The following CLMN variants were observed in gnomAD, a reference collection of about 807,000 sequenced individuals.
The protein encoded by CLMN is calmin (calponin-like, transmembrane).
CLMN carries 57 observed loss-of-function variants against 92.7 expected under a neutral mutation model. The ratio of observed to expected loss-of-function variants is 0.61; its 90% CI spans 0.50 to 0.77. The LOEUF is 0.77. Among genes scored for constraint, CLMN ranks in the 30% least tolerant of loss-of-function variants. The pLI is 0.00. For missense variants in CLMN, 1,158 were observed against 1,237.5 expected (o/e 0.94, Z 0.96); for synonymous variants, 466 against 470.6 (o/e 0.99, Z 0.13).
intron 1 of CLMN, among the ~76,000 whole-genome samples, chr14:95,252,054 G>A (rs1277610366): frequency 6.6e-6 from 1 of 152,174 alleles, no homozygotes; most frequent in Non-Finnish European, 1.5e-5. Flanking sequence ...TTCCAGTCCT[G>A]CTGGGTCTGG....
chr14:95,317,992 G>A (rs1901869921), intron 1 of CLMN, among the ~76,000 whole-genome samples: 1 of 152,126 alleles, frequency 6.6e-6, no homozygotes, highest in Non-Finnish European at 1.5e-5. Context: ...CCAACCTCCA[G>A]GACCCATCTC....
intron 1 of CLMN, among the ~76,000 whole-genome samples, chr14:95,249,638 C>G (rs1425962730): frequency 6.6e-6 from 1 of 151,958 alleles, no homozygotes; most frequent in Non-Finnish European, 1.5e-5. Context: ...GTCGCCCAGG[C>G]TGGAGTGCAG....
rs777411984 is a variant in CLMN, at chr14:95,213,223, T to C, written c.604A>G (p.Arg202Gly). The C allele has an allele frequency of 1.9e-6, 3 of 1,613,168 alleles. No individual in the cohort carries two copies. Among genetic ancestry groups the C allele is most frequent in the Non-Finnish European group, 1.7e-6 (2 of 1,179,716 alleles). ...GGGAGAGGGGCTGCGGCTTACTTTC[T>C]CGTTTTCCTCTGCACCCACGCCAAC... ...ALLAWVQRKTRKYGVAVQDFA... is the reference protein window; with the variant it reads ...ALLAWVQRKTGKYGVAVQDFA... The change falls in exon 6 of 13, where the codon AGA (arginine) becomes GGA (glycine). Residue 202 changes from arginine to glycine, a missense_variant. By Grantham distance (125) the Arg-to-Gly change is moderately radical (BLOSUM62 -2). Coordinates refer to ENST00000298912, the MANE Select transcript of CLMN (RefSeq NM_024734.4).
chr14:95,193,181 A>G, intron 12 of CLMN: 1 of 598,912 alleles, frequency 1.7e-6, no homozygotes, highest in Non-Finnish European at 2.9e-6. Context: ...CAACTCTATG[A>G]CTTCAACAGG....
At position 95,194,375 on chromosome 14, in the gene CLMN, G is replaced by A. The variant is rs986755633; in HGVS notation, c.2769+161C>T. On this transcript the variant is annotated intron_variant, in intron 11 of 12. Coordinates refer to ENST00000298912, the MANE Select transcript of CLMN (RefSeq NM_024734.4). This position sits in a 1 kb window ranked among gnomAD's most constrained non-coding sequence, Gnocchi z 4.0. ...TATTGCCCAAACCGGATATCCGATC[G>A]GACTGTGCTTAATGATAAGGTTCCA... The A allele has an allele frequency of 4.5e-5, 67 of 1,473,240 alleles. No individual in the cohort carries two copies. The highest frequency in any genetic ancestry group is 7.1e-5 in the African/African-American group (5 of 70,684). The allele number at this position is 1,473,240 out of a possible 1,614,324, so 91.3% of individuals were successfully genotyped here. A position where few individuals can be genotyped will look rare whatever the true frequency, so the allele number is the denominator to read the frequency against.
intron 1 of CLMN, among the ~76,000 whole-genome samples, chr14:95,243,422 C>T (rs945859727): frequency 9.9e-5 from 15 of 152,280 alleles, no homozygotes; most frequent in East Asian, 3.9e-4. Flanking sequence ...TTTCTCCCGC[C>T]ATCACCAAAA....
chr14:95,226,752 C>T (rs1897723999), intron 2 of CLMN, among the ~76,000 whole-genome samples: 1 of 152,184 alleles, frequency 6.6e-6, no homozygotes, highest in East Asian at 1.9e-4. Context: ...ATTTTTTAAA[C>T]TTTTTGTAGA....
chr14:95,283,589 T>C (rs1900223015), intron 1 of CLMN, among the ~76,000 whole-genome samples: 1 of 152,170 alleles, frequency 6.6e-6, no homozygotes, highest in Non-Finnish European at 1.5e-5. Context: ...GATAGCAACA[T>C]GGACAATAAG....
At chr14:95,310,691 G>C (rs2140796763) in intron 1 of CLMN, among the ~76,000 whole-genome samples, 1 of 152,338 alleles carries the variant, frequency 6.6e-6, no homozygotes, top group Middle Eastern at 3.4e-3. Flanking sequence ...GCCCCTGGGA[G>C]TCCAGATCAC....
In CLMN at chr14:95,184,732, G is replaced by A. The variant is rs1187964142; in HGVS notation, c.*6832C>T. 1 of 152,186 alleles carries A rather than the reference G, an allele frequency of 6.6e-6. No homozygotes were observed. The highest frequency in any genetic ancestry group is 1.5e-5 in the Non-Finnish European group (1 of 68,068). 9.4% of individuals were successfully genotyped at this position (152,186 alleles called of 1,614,324 possible). A position where few individuals can be genotyped will look rare whatever the true frequency, so the allele number is the denominator to read the frequency against. On this transcript the variant is annotated 3_prime_UTR_variant, in exon 13 of 13. Transcript: ENST00000298912. Reference sequence around the variant, plus strand: ...GTCTCCAGGCTTTTGACCCACACCTGACCAAGCTCACCCCATGCCCTGTCT... The same window carrying A: ...GTCTCCAGGCTTTTGACCCACACCTAACCAAGCTCACCCCATGCCCTGTCT...
At chr14:95,198,490 C>T (rs1382050109) in intron 9 of CLMN, among the ~76,000 whole-genome samples, 5 of 152,134 alleles carry the variant, frequency 3.3e-5, no homozygotes, top group South Asian at 2.1e-4. Flanking sequence ...CTCACCCACA[C>T]GGATTGAGGC....
chr14:95,252,830 G>A (rs1898842851), intron 1 of CLMN, among the ~76,000 whole-genome samples: 1 of 152,194 alleles, frequency 6.6e-6, no homozygotes, highest in Admixed American at 6.5e-5. Flanking sequence ...GTGATGCCGG[G>A]AGGGTAAAGC....
At chr14:95,314,746 A>G (rs1351766339) in intron 1 of CLMN, among the ~76,000 whole-genome samples, 1 of 152,148 alleles carries the variant, frequency 6.6e-6, no homozygotes, top group Non-Finnish European at 1.5e-5. Context: ...TGGCACTAGA[A>G]CACGGCCTTT....
Position 95,191,403 on chromosome 14 carries a change from C to A in CLMN, c.*161G>T. The stretch of plus-strand genomic sequence containing the variant: ...CAGGTTGTCCAGAAAAAAAAGGAAA[C>A]CTGAAAAAAAAAAAAAAACCACAAT... On this transcript the variant is annotated 3_prime_UTR_variant, in exon 13 of 13. Coordinates refer to ENST00000298912, the MANE Select transcript of CLMN (RefSeq NM_024734.4). The surrounding 1 kb of genome is among the most constrained non-coding windows in gnomAD (Gnocchi z 5.3). The A allele has an allele frequency of 4.4e-6, 2 of 457,504 alleles. No homozygotes were observed. The highest frequency in any genetic ancestry group is 3.6e-6 in the Non-Finnish European group (1 of 278,124). The allele number at this position is 457,504 out of a possible 1,614,324, so 28.3% of individuals were successfully genotyped here.
intron 6 of CLMN, among the ~76,000 whole-genome samples, 171 bp from the exon 7 acceptor site, chr14:95,211,050 C>G (rs762841036): frequency 6.6e-6 from 1 of 152,226 alleles, no homozygotes; most frequent in Non-Finnish European, 1.5e-5. Context: ...GAACCACTCA[C>G]ATTTCCATTT....
At chr14:95,301,597 C>T (rs1901058399) in intron 1 of CLMN, among the ~76,000 whole-genome samples, 1 of 152,164 alleles carries the variant, frequency 6.6e-6, no homozygotes, top group Admixed American at 6.5e-5. Flanking sequence ...ATGAGGACCC[C>T]CTACTCCCTC....
chr14:95,283,988 C>G (rs951560505), intron 1 of CLMN, among the ~76,000 whole-genome samples: 1 of 152,178 alleles, frequency 6.6e-6, no homozygotes, highest in African/African-American at 2.4e-5. Context: ...TTCATGGCAG[C>G]CCCTCCCATC....
intron 8 of CLMN, 87 bp from the exon 9 acceptor site, chr14:95,204,550 T>G (rs1763730): frequency 0.21 from 257,671 of 1,254,556 alleles, 32,263 homozygotes; most frequent in African/African-American, 0.51. Flanking sequence ...GTAAGAAGAA[T>G]ATTTAAGTAC....
chr14:95,273,875 A>ACATGAACCT (rs1899813383), intron 1 of CLMN, among the ~76,000 whole-genome samples: 1 of 152,126 alleles, frequency 6.6e-6, no homozygotes, highest in South Asian at 2.1e-4. Context: ...AACCGATCGT[A>ACATGAACCT]CATGAACCTC....
Sources: gnomAD v4.1 joint callset for allele counts (sites outside exome capture counted in the v4.1 genomes callset) on GRCh38, gnomAD v4.1.1 for gene constraint, Gnocchi (gnomAD v3.1) non-coding constraint, MANE v1.5 for transcripts, NCBI Gene and HGNC (gene_info 2026-07-23, HGNC 2026-07-21) for gene names.